GOLM1: variants seen among roughly 807,000 people sequenced by gnomAD.
The protein encoded by GOLM1 is epididymis luminal protein 46.
A neutral mutation model predicts 50.5 loss-of-function variants in GOLM1; 31 were observed. The observed-to-expected ratio is 0.61, with a 90% confidence interval of 0.46 to 0.83. The LOEUF (loss-of-function observed/expected upper bound fraction) is 0.83, where lower values mean the gene tolerates loss of function less well. GOLM1 is among the 40% of genes least tolerant of loss of function. GOLM1 has a pLI of 0.00. For synonymous variants in GOLM1, 178 were observed against 192.8 expected (o/e 0.92, Z 0.64); for missense variants, 491 against 501.3 (o/e 0.98, Z 0.20).
At chr9:86,085,620 A>G in intron 1 of GOLM1, among the ~76,000 whole-genome samples, 1 of 151,322 alleles carries the variant, frequency 6.6e-6, no homozygotes, top group East Asian at 1.9e-4. Flanking sequence ...CCTAATGCTT[A>G]CCCCTCCCCT....
intron 3 of GOLM1, among the ~76,000 whole-genome samples, chr9:86,056,609 A>C (rs576696086): frequency 6.6e-6 from 1 of 150,940 alleles, no homozygotes; most frequent in Non-Finnish European, 1.5e-5. Context: ...GGGTTCAAGC[A>C]ATTCCCCTGC....
At chr9:86,039,669 G>C (rs926699780) in intron 6 of GOLM1, among the ~76,000 whole-genome samples, 1 of 152,134 alleles carries the variant, frequency 6.6e-6, no homozygotes. Flanking sequence ...TTCATACTCA[G>C]TCAAAGATAC....
At chr9:86,062,621 T>C (rs1161513419) in intron 3 of GOLM1, among the ~76,000 whole-genome samples, 2 of 120,818 alleles carry the variant, frequency 1.7e-5, no homozygotes, top group African/African-American at 6.5e-5. Context: ...AAGAGGAGGA[T>C]GGAGGGAGGA....
chr9:86,031,660 C>T (rs1171119048), intron 9 of GOLM1, among the ~76,000 whole-genome samples: 2 of 151,544 alleles, frequency 1.3e-5, no homozygotes, highest in Non-Finnish European at 2.9e-5. Context: ...CGGGGTTTCA[C>T]CATGTTAGTT....
At chr9:86,028,718 G>A (rs146480966) in intron 9 of GOLM1, among the ~76,000 whole-genome samples, 22 of 152,306 alleles carry the variant, frequency 1.4e-4, no homozygotes, top group Admixed American at 5.2e-4. Flanking sequence ...ATGCTGCCGC[G>A]GGGTTGAAAC....
At chr9:86,072,934 G>T (rs1011716027) in intron 3 of GOLM1, among the ~76,000 whole-genome samples, 54 of 152,144 alleles carry the variant, frequency 3.5e-4, no homozygotes, top group African/African-American at 1.3e-3. Context: ...ACACAGAAAA[G>T]ATACAGTAAA....
intron 4 of GOLM1, among the ~76,000 whole-genome samples, chr9:86,049,157 G>A (rs907549102): frequency 6.6e-6 from 1 of 152,058 alleles, no homozygotes; most frequent in Non-Finnish European, 1.5e-5. Flanking sequence ...CTTTGGTCAG[G>A]TTTGTCAAAG....
chr9:86,032,078 C>CA (rs1288688875), intron 9 of GOLM1, among the ~76,000 whole-genome samples: 1 of 152,008 alleles, frequency 6.6e-6, no homozygotes, highest in Non-Finnish European at 1.5e-5. Context: ...CTACAGAAAA[C>CA]AGAGACCAGG....
chr9:86,052,302 A>G (rs1316747883), intron 4 of GOLM1, among the ~76,000 whole-genome samples: 1 of 152,120 alleles, frequency 6.6e-6, no homozygotes, highest in Non-Finnish European at 1.5e-5. Context: ...CATGAGTGAC[A>G]CTCTTAACTC....
At chr9:86,036,280 G>C in intron 7 of GOLM1, 68 bp downstream of exon 7, 1 of 1,525,296 alleles carries the variant, frequency 6.6e-7, no homozygotes, top group Admixed American at 1.7e-5. Flanking sequence ...TCAGCAGCTC[G>C]CTGGGACTGC....
At chr9:86,084,833 A>G (rs1834902913) in intron 1 of GOLM1, 1 of 152,154 alleles carries the variant, frequency 6.6e-6, no homozygotes, top group Admixed American at 6.5e-5. Flanking sequence ...GCGGATCACG[A>G]GGTCAGGAGT....
At chr9:86,064,813 C>T (rs759061452) in intron 3 of GOLM1, among the ~76,000 whole-genome samples, 2 of 152,202 alleles carry the variant, frequency 1.3e-5, no homozygotes, top group East Asian at 1.9e-4. Context: ...GAGCCGCCTG[C>T]CTGGTGGGGG....
chr9:86,081,065 A>ATT (rs545519577), intron 1 of GOLM1, among the ~76,000 whole-genome samples: 2 of 151,678 alleles, frequency 1.3e-5, no homozygotes, highest in Non-Finnish European at 2.9e-5. Context: ...TTTTAAAACA[A>ATT]TTTTTGTACA....
intron 3 of GOLM1, among the ~76,000 whole-genome samples, chr9:86,076,421 CAAAAAAAAAAAAAAAA>C (rs58193076): frequency 1.3e-4 from 3 of 23,324 alleles, no homozygotes; most frequent in African/African-American, 2.4e-4. Flanking sequence ...AACCCCATCT[CAAAAAAAAAAAAAAAA>C]AAAAAAAAAA....
chr9:86,092,717 A>T (rs17051622), intron 1 of GOLM1, among the ~76,000 whole-genome samples: 36,746 of 152,108 alleles, frequency 0.24, 7,550 homozygotes, highest in African/African-American at 0.54. Context: ...GGCTTCCAGG[A>T]CTGTAGAAAC....
In GOLM1 at chr9:86,027,477, CTGT is replaced by C. The variant is rs538297132; in HGVS notation, c.*337_*339del. The C allele has an allele frequency of 9.1e-7, 1 of 1,096,130 alleles. No individual in the cohort carries two copies. Among genetic ancestry groups the C allele is most frequent in the Non-Finnish European group, 1.1e-6 (1 of 899,930 alleles). 67.9% of individuals were successfully genotyped at this position (1,096,130 alleles called of 1,614,324 possible). On this transcript the variant is annotated 3_prime_UTR_variant, in exon 10 of 10. Transcript: ENST00000388712. Reference sequence around the variant, plus strand: ...AGCAGATGGACTCTTCTATAGGTGGCTGTTAATTTACACAAAGTTATATTCCAG... The same window carrying C: ...AGCAGATGGACTCTTCTATAGGTGGCTAATTTACACAAAGTTATATTCCAG...
chr9:86,056,850 C>T (rs1054941681), intron 3 of GOLM1, among the ~76,000 whole-genome samples: 5 of 151,908 alleles, frequency 3.3e-5, no homozygotes, highest in African/African-American at 1.2e-4. Context: ...GCCCAGGCTG[C>T]AGTGCAGTGG....
chr9:86,046,725 G>A (rs896004386), intron 4 of GOLM1, among the ~76,000 whole-genome samples, 153 bp from the exon 5 acceptor site: 14 of 152,192 alleles, frequency 9.2e-5, no homozygotes, highest in African/African-American at 3.4e-4. Flanking sequence ...TGAAAACACA[G>A]TCCCTCCCCA....
chr9:86,027,864 T>A lies in GOLM1; in HGVS notation c.1159A>T (p.Thr387Ser), dbSNP rs771809878. The A allele has an allele frequency of 7.5e-6, 12 of 1,609,508 alleles. No homozygotes were observed. In the South Asian group the frequency reaches 1.2e-4, roughly 16 times the overall value. ...VFNVEDQKRD[T>S]INLLDQREKR... ...TCACGCTGATCAAGTAAATTTATGG[T>A]GTCTCTTTTCTGATCTTCAACATTA... The change falls in exon 10 of 10, where the codon ACC becomes TCC. Residue 387 changes from threonine (T) to serine (S), a missense_variant. Transcript: ENST00000388712.
Sources: gnomAD v4.1 joint callset for allele counts (sites outside exome capture counted in the v4.1 genomes callset) on GRCh38, gnomAD v4.1.1 for gene constraint, MANE v1.5 for transcripts, NCBI Gene and HGNC (gene_info 2026-07-23, HGNC 2026-07-21) for gene names.